Variants in PCDH9 observed in about 807,000 individuals in gnomAD.
The protein encoded by PCDH9 is protocadherin 9, also known as protocadherin-9.
A neutral mutation model predicts 70.6 loss-of-function variants in PCDH9; 24 were observed. That is an observed-to-expected ratio of 0.34 (90% CI 0.25 to 0.48). PCDH9 has a LOEUF of 0.48. Among genes scored for constraint, PCDH9 ranks in the 20% least tolerant of loss-of-function variants. The pLI is 0.99. For missense variants in PCDH9, 1,281 were observed against 1,503.6 expected, an observed-to-expected ratio of 0.85 and a Z score of 2.45; for synonymous variants, 562 against 558.5, an observed-to-expected ratio of 1.01 and a Z score of -0.09.
intron 2 of PCDH9, among the ~76,000 whole-genome samples, chr13:67,113,936 G>A (rs1216787069): frequency 6.6e-6 from 1 of 152,122 alleles, no homozygotes; most frequent in Non-Finnish European, 1.5e-5. Context: ...TAGAAGTCAA[G>A]GTGTTCACTT....
intron 2 of PCDH9, among the ~76,000 whole-genome samples, chr13:66,956,266 G>A (rs927716575): frequency 8.5e-5 from 13 of 152,232 alleles, no homozygotes; most frequent in African/African-American, 3.1e-4. Flanking sequence ...AAAGTTTCTA[G>A]GAATAACATC....
At chr13:66,475,507 A>G (rs1958707514) in intron 4 of PCDH9, among the ~76,000 whole-genome samples, 1 of 152,098 alleles carries the variant, frequency 6.6e-6, no homozygotes, top group South Asian at 2.1e-4. Context: ...TTTGGAAGTA[A>G]CATACTATTT....
rs1407269073 is a variant in PCDH9, at chr13:66,303,926, C to T, written c.*729G>A. ...TCAGAACCTTTTTTAAACACAAGTG[C>T]TTGAGATTGTTTGAACAATGTGTGT... On this transcript the variant is annotated 3_prime_UTR_variant, in exon 5 of 5. Coordinates refer to ENST00000377865, the MANE Select transcript of PCDH9 (RefSeq NM_203487.3). 6.6e-6 allele frequency: 1 copy of T among 152,016 alleles called. No individual in the cohort carries two copies. Among genetic ancestry groups the T allele is most frequent in the African/African-American group, 2.4e-5 (1 of 41,366 alleles). 9.4% of individuals were successfully genotyped at this position (152,016 alleles called of 1,614,324 possible).
At chr13:66,835,913 T>G (rs2081010206) in intron 3 of PCDH9, among the ~76,000 whole-genome samples, 1 of 152,136 alleles carries the variant, frequency 6.6e-6, no homozygotes, top group African/African-American at 2.4e-5. Context: ...AATATGACCC[T>G]AGACACTTAA....
chr13:66,434,483 T>TTAAAA (rs1410983572), intron 4 of PCDH9, among the ~76,000 whole-genome samples: 1 of 152,020 alleles, frequency 6.6e-6, no homozygotes, highest in African/African-American at 2.4e-5. Flanking sequence ...ATATGGTACA[T>TTAAAA]TAAAGTGAAG....
In PCDH9 at chr13:66,860,380, A is replaced by T. The variant is rs141977929; in HGVS notation, c.3138+43124T>A. ...GAGGGGAGCTGCTACCCTTGTCCCA[A>T]GGTTCAGCTTGCTGGTGAACATAGC... is the stretch of plus-strand genomic sequence containing the variant. On this transcript the variant is annotated intron_variant, in intron 3 of 4. Transcript: ENST00000377865. Among the ~76,000 whole-genome samples, 59 of 152,268 alleles carry T rather than the reference A, an allele frequency of 3.9e-4. 1 individual carries two copies. Among genetic ancestry groups the T allele is most frequent in the African/African-American group, 1.3e-3 (52 of 41,546 alleles).
rs544012237 is a variant in PCDH9, at chr13:67,078,200, C to A, written c.3036+147205G>T. 1.5e-4 allele frequency among the ~76,000 whole-genome samples: 23 copies of A among 152,302 alleles called. No homozygotes were observed. The South Asian group carries it at 1.9e-3, about 12-fold the overall frequency. On this transcript the variant is annotated intron_variant, in intron 2 of 4. Coordinates refer to ENST00000377865, the MANE Select transcript of PCDH9 (RefSeq NM_203487.3). Reference sequence around the variant, plus strand: ...CTGAAGCCATGCTTCACCTGGGCTTCTTCCCACCAAAGGCTGAGTGTCCAA... The same window carrying A: ...CTGAAGCCATGCTTCACCTGGGCTTATTCCCACCAAAGGCTGAGTGTCCAA...
At chr13:66,546,539 T>G (rs1038694746) in intron 4 of PCDH9, among the ~76,000 whole-genome samples, 7 of 152,028 alleles carry the variant, frequency 4.6e-5, no homozygotes, top group Non-Finnish European at 8.8e-5. Context: ...TACCAAAGAG[T>G]AAAAATGTTA....
chr13:67,006,673 C>A (rs1347824776), intron 2 of PCDH9, among the ~76,000 whole-genome samples: 1 of 152,240 alleles, frequency 6.6e-6, no homozygotes, highest in Admixed American at 6.5e-5. Context: ...GTCATTTATT[C>A]TAAAAGTGTC....
rs547319665 is a variant in PCDH9 at position 67,161,755 on chromosome 13, G to GT, written c.3036+63649dup. On this transcript the variant is annotated intron_variant, in intron 2 of 4. Transcript: ENST00000377865. ...GTGAGCAGGGAGAGGGAAATTAGTA[G>GT]TTAGTCAGGGAGAATAATAGAAAAG... is the stretch of plus-strand genomic sequence containing the variant. Among the ~76,000 whole-genome samples, 285 of 152,300 alleles carry GT rather than the reference G, an allele frequency of 1.9e-3. 2 individuals are homozygous for GT. Among genetic ancestry groups the GT allele is most frequent in the Admixed American group, 3.4e-3 (52 of 15,296 alleles).
At chr13:66,907,333 A>T in intron 2 of PCDH9, among the ~76,000 whole-genome samples, 1 of 152,204 alleles carries the variant, frequency 6.6e-6, no homozygotes, top group East Asian at 1.9e-4. Flanking sequence ...TCAGATTTAT[A>T]TTGGGGGGTA....
intron 2 of PCDH9, among the ~76,000 whole-genome samples, chr13:67,115,755 G>A (rs1380108115): frequency 6.6e-6 from 1 of 151,568 alleles, no homozygotes; most frequent in Admixed American, 6.6e-5. Flanking sequence ...TTTAATATGT[G>A]GTATTTTGAA....
At position 66,507,254 on chromosome 13, in the gene PCDH9, G is replaced by A. The variant is rs544405449; in HGVS notation, c.3340+123956C>T. Among the ~76,000 whole-genome samples the A allele has an allele frequency of 3.3e-5, 5 of 152,222 alleles. No homozygotes were observed. In the South Asian group the frequency reaches 1.0e-3, roughly 32 times the overall value. On this transcript the variant is annotated intron_variant, in intron 4 of 4. Coordinates refer to ENST00000377865, the MANE Select transcript of PCDH9 (RefSeq NM_203487.3). ...AAGTGAAATTAAATATTCATTCACGGGCTGCATTTCAAGTTCAAACTGTCT... is the reference window on the plus strand; with the variant it reads ...AAGTGAAATTAAATATTCATTCACGAGCTGCATTTCAAGTTCAAACTGTCT...
At chr13:66,709,103 G>A (rs73200926) in intron 3 of PCDH9, among the ~76,000 whole-genome samples, 6,855 of 152,172 alleles carry the variant, frequency 0.045, 205 homozygotes, top group Non-Finnish European at 0.069. Flanking sequence ...TAGAAAACAC[G>A]ACTTGACAAT....
At chr13:67,173,878 A>G (rs752384648) in intron 2 of PCDH9, among the ~76,000 whole-genome samples, 37 of 151,472 alleles carry the variant, frequency 2.4e-4, no homozygotes, top group Non-Finnish European at 3.8e-4. Context: ...TTTGTGTTTT[A>G]AAAAGAGCAT....
At chr13:66,451,037 G>A (rs1030825770) in intron 4 of PCDH9, among the ~76,000 whole-genome samples, 6 of 152,192 alleles carry the variant, frequency 3.9e-5, no homozygotes, top group South Asian at 2.1e-4. Flanking sequence ...AAGGGATAGC[G>A]TTAGGAGATA....
intron 3 of PCDH9, among the ~76,000 whole-genome samples, chr13:66,890,640 T>A (rs2082081981): frequency 6.6e-6 from 1 of 152,082 alleles, no homozygotes; most frequent in East Asian, 1.9e-4. Context: ...CTCCTAGTCT[T>A]AGTGGGAAGG....
intron 3 of PCDH9, among the ~76,000 whole-genome samples, chr13:66,730,220 C>T (rs1359935664): frequency 6.6e-6 from 1 of 151,824 alleles, no homozygotes; most frequent in Non-Finnish European, 1.5e-5. Context: ...TCTTTTATTT[C>T]CACTTTTCTT....
intron 2 of PCDH9, among the ~76,000 whole-genome samples, chr13:66,990,049 T>TAAC (rs1328062967): frequency 6.6e-6 from 1 of 151,866 alleles, no homozygotes; most frequent in Non-Finnish European, 1.5e-5. Context: ...CAAAGATATT[T>TAAC]AAGATGGAAG....
Sources: allele counts gnomAD v4.1 joint callset (sites outside exome capture counted in the v4.1 genomes callset), GRCh38; gene constraint gnomAD v4.1.1; transcripts MANE v1.5; gene names NCBI Gene and HGNC (gene_info 2026-07-23, HGNC 2026-07-21).